The following PCDHA5 variants were observed in gnomAD, a reference collection of about 807,000 sequenced individuals.
The protein encoded by PCDHA5 is protocadherin alpha 5, also known as protocadherin alpha-5.
A neutral mutation model predicts 61.6 loss-of-function variants in PCDHA5; 43 were observed. The ratio of observed to expected loss-of-function variants is 0.70; its 90% CI spans 0.55 to 0.90. The LOEUF (loss-of-function observed/expected upper bound fraction) is 0.90, where lower values mean the gene tolerates loss of function less well. Among genes scored for constraint, PCDHA5 ranks in the 40% least tolerant of loss-of-function variants. The pLI, the probability that PCDHA5 is intolerant of heterozygous loss-of-function variation, is 0.00. For synonymous variants in PCDHA5, 627 were observed against 543.9 expected, an observed-to-expected ratio of 1.15 and a Z score of -2.13; for missense variants, 1,298 against 1,222.7, an observed-to-expected ratio of 1.06 and a Z score of -0.92.
At chr5:140,969,045 CCAA>C in intron 1 of PCDHA5, 4 of 1,614,090 alleles carry the variant, frequency 2.5e-6, no homozygotes, top group Non-Finnish European at 3.4e-6. Flanking sequence ...TACAAACAAG[CCAA>C]CAACAATATT....
intron 1 of PCDHA5, among the ~76,000 whole-genome samples, chr5:140,957,345 A>G (rs1375707193): frequency 6.6e-6 from 1 of 152,170 alleles, no homozygotes; most frequent in Admixed American, 6.5e-5. Flanking sequence ...ATTTTGAGAG[A>G]GAGACCACAT....
chr5:140,838,387 G>A (rs1554137061), intron 1 of PCDHA5, among the ~76,000 whole-genome samples: 1 of 150,594 alleles, frequency 6.6e-6, no homozygotes, highest in African/African-American at 2.5e-5. Context: ...GCCTCCCAAT[G>A]TGCTGGGATT....
At chr5:140,877,792 C>T (rs782259804) in intron 1 of PCDHA5, 1 of 1,614,004 alleles carries the variant, frequency 6.2e-7, no homozygotes, top group Non-Finnish European at 8.5e-7. Context: ...GGCCTTCAGC[C>T]CAAGCCTTCA....
At chr5:140,863,709 C>G (rs537647529) in intron 1 of PCDHA5, 1 of 285,634 alleles carries the variant, frequency 3.5e-6, no homozygotes, top group East Asian at 9.1e-5. Context: ...TTAAAGTACA[C>G]TGGGGCCGGG....
intron 1 of PCDHA5, chr5:140,927,462 A>C (rs782679625): frequency 6.2e-7 from 1 of 1,614,138 alleles, no homozygotes; most frequent in East Asian, 2.2e-5. Flanking sequence ...TGGAGAAAGC[A>C]CTGGATCGCG....
chr5:140,923,000 G>A (rs1554201089), intron 1 of PCDHA5, among the ~76,000 whole-genome samples: 2 of 152,220 alleles, frequency 1.3e-5, no homozygotes, highest in African/African-American at 4.8e-5. Context: ...CCATGAGAAT[G>A]GTTGTTGGAC....
At chr5:140,830,467 T>A in intron 1 of PCDHA5, 2 of 1,572,686 alleles carry the variant, frequency 1.3e-6, no homozygotes, top group Non-Finnish European at 1.7e-6. Flanking sequence ...AGGATTTAAA[T>A]GAAGATCATG....
intron 1 of PCDHA5, among the ~76,000 whole-genome samples, chr5:140,899,014 T>C (rs2067098044): frequency 6.6e-6 from 1 of 151,934 alleles, no homozygotes. Context: ...TGTATAAGAA[T>C]GCTTGTGATT....
intron 1 of PCDHA5, among the ~76,000 whole-genome samples, chr5:140,873,187 T>C (rs1169831538): frequency 6.6e-6 from 1 of 152,214 alleles, no homozygotes; most frequent in Non-Finnish European, 1.5e-5. Context: ...ATAATATTCA[T>C]TGGCTAAAAA....
At chr5:140,905,928 A>G (rs2072211023) in intron 1 of PCDHA5, among the ~76,000 whole-genome samples, 1 of 152,238 alleles carries the variant, frequency 6.6e-6, no homozygotes, top group Admixed American at 6.5e-5. Context: ...TGAGTCCCAA[A>G]GCTGAAGAAC....
At chr5:140,898,677 T>C (rs1197350501) in intron 1 of PCDHA5, among the ~76,000 whole-genome samples, 2 of 152,222 alleles carry the variant, frequency 1.3e-5, no homozygotes, top group Non-Finnish European at 2.9e-5. Flanking sequence ...TTGCGGGCTG[T>C]TTTTTGGTTC....
chr5:140,862,675 G>A, intron 1 of PCDHA5: 1 of 550,422 alleles, frequency 1.8e-6, no homozygotes, highest in South Asian at 1.4e-5. Context: ...GCAGGAGAAC[G>A]TGCTGGTGTC....
In PCDHA5 at chr5:140,858,867, T is replaced by C. The variant is rs183298446; in HGVS notation, c.2352+34740T>C. 1.7e-4 allele frequency: 42 copies of C among 253,674 alleles called. No homozygotes were observed. In the East Asian group the frequency reaches 3.9e-3, roughly 24 times the overall value. 15.7% of individuals were successfully genotyped at this position (253,674 alleles called of 1,614,324 possible). ...CTGATCTATATCTCTTCAGTGAAAATGTGTTTTCCTCCATGTGTAGAATAT... is the reference window on the plus strand; with the variant it reads ...CTGATCTATATCTCTTCAGTGAAAACGTGTTTTCCTCCATGTGTAGAATAT... On this transcript the variant is annotated intron_variant, in intron 1 of 3. Coordinates refer to ENST00000529859, the MANE Select transcript of PCDHA5 (RefSeq NM_018908.3).
chr5:141,010,312 G>C lies in PCDHA5; in HGVS notation c.*375G>C. On this transcript the variant is annotated 3_prime_UTR_variant, in exon 4 of 4. Transcript: ENST00000529859. ...TGCAGGGCAGGCTGAAAAGTTTTGA[G>C]ATTGAGCAGCTTGGGAGTTTGTGGC... is the stretch of plus-strand genomic sequence containing the variant. 1 of 1,547,400 alleles carries C rather than the reference G, an allele frequency of 6.5e-7. No individual in the cohort carries two copies. The highest frequency in any genetic ancestry group is 8.7e-7 in the Non-Finnish European group (1 of 1,145,752).
rs1424640992 is a variant in PCDHA5 at position 140,843,839 on chromosome 5, T to A, written c.2352+19712T>A. On this transcript the variant is annotated intron_variant, in intron 1 of 3. Transcript: ENST00000529859. The stretch of plus-strand genomic sequence containing the variant: ...GAAAATTTAAACATTGTTTAGTTTT[T>A]AGAAACCTTTTATAATTAATTGAAT... The A allele has an allele frequency of 3.1e-5, 33 of 1,049,446 alleles. 4 individuals carry two copies. The Admixed American group carries it at 7.9e-4, about 25-fold the overall frequency. 65.0% of individuals were successfully genotyped at this position (1,049,446 alleles called of 1,614,324 possible).
chr5:140,883,575 G>C (rs782472492), intron 1 of PCDHA5: 87 of 1,613,954 alleles, frequency 5.4e-5, no homozygotes, highest in Non-Finnish European at 7.4e-5. Context: ...CCTTCGCTGT[G>C]GGCCACGGCC....
intron 1 of PCDHA5, chr5:140,843,920 A>G (rs1365256690): frequency 1.6e-6 from 1 of 607,552 alleles, no homozygotes; most frequent in Non-Finnish European, 2.8e-6. Context: ...GTCTATCTTG[A>G]AACTCAAGTT....
chr5:140,857,527 G>T (rs147361555), intron 1 of PCDHA5: 13 of 1,597,684 alleles, frequency 8.1e-6, no homozygotes, highest in Non-Finnish European at 1.1e-5. Flanking sequence ...CCTACTCTCT[G>T]GTGGAGCGGC....
At chr5:140,857,792 C>A (rs368399538) in intron 1 of PCDHA5, 3 of 1,597,430 alleles carry the variant, frequency 1.9e-6, no homozygotes, top group Non-Finnish European at 1.7e-6. Flanking sequence ...GCTGGTGCTG[C>A]GGTCGGTGGT....
Sources: allele counts gnomAD v4.1 joint callset (sites outside exome capture counted in the v4.1 genomes callset), GRCh38; gene constraint gnomAD v4.1.1; transcripts MANE v1.5; gene names NCBI Gene and HGNC (gene_info 2026-07-23, HGNC 2026-07-21).